The following CMPK2 variants were observed in gnomAD, a reference collection of about 807,000 sequenced individuals.
CMPK2 encodes the protein UMP-CMP kinase 2, mitochondrial.
In CMPK2, 32 loss-of-function variants were observed where a neutral mutation model predicts 33.4. That is an observed-to-expected ratio of 0.96 (90% confidence interval 0.72 to 1.29). CMPK2 has a LOEUF of 1.29. CMPK2 is among the 50% of genes most tolerant of loss of function. The pLI, the probability that CMPK2 is intolerant of heterozygous loss-of-function variation, is 0.00. For missense variants in CMPK2, 672 were observed against 616.0 expected, an observed-to-expected ratio of 1.09 and a Z score of -0.96; for synonymous variants, 299 against 275.3, an observed-to-expected ratio of 1.09 and a Z score of -0.85.
chr2:6,841,954 T>C (rs1662244417), intron 3 of CMPK2, among the ~76,000 whole-genome samples: 1 of 152,186 alleles, frequency 6.6e-6, no homozygotes, highest in South Asian at 2.1e-4. Context: ...ATACTTAGAA[T>C]CCATATATAT....
downstream of CMPK2, among the ~76,000 whole-genome samples, chr2:6,847,073 T>G (rs531111709): frequency 6.6e-6 from 1 of 152,094 alleles, no homozygotes; most frequent in Admixed American, 6.5e-5. Context: ...TCTAATGGGG[T>G]GCCCACTATG....
chr2:6,850,838 AC>A, intron 4 of CMPK2: 2 of 987,824 alleles, frequency 2.0e-6, no homozygotes, highest in Non-Finnish European at 2.4e-6. Context: ...ACTGATTCAT[AC>A]TCAGTCATGA....
Position 6,849,569 on chromosome 2 carries a change from A to G in CMPK2, c.*281T>C. 2.5e-6 allele frequency: 3 copies of G among 1,181,110 alleles called. No homozygotes were observed. Among genetic ancestry groups the G allele is most frequent in the Non-Finnish European group, 3.1e-6 (3 of 952,754 alleles). The allele number at this position is 1,181,110 out of a possible 1,614,324, so 73.2% of individuals were successfully genotyped here. A position where few individuals can be genotyped will look rare whatever the true frequency, so the allele number is the denominator to read the frequency against. ...CAGGTCTTCCAGATATTTGGTAGTG[A>G]TTAAGTGAAACATATGTTCCAAGAA... is the stretch of plus-strand genomic sequence containing the variant. On this transcript the variant is annotated 3_prime_UTR_variant, in exon 5 of 5. Coordinates refer to ENST00000256722, the MANE Select transcript of CMPK2 (RefSeq NM_207315.4).
chr2:6,853,900 TAA>T (rs879924765), intron 3 of CMPK2, among the ~76,000 whole-genome samples: 4 of 141,950 alleles, frequency 2.8e-5, no homozygotes. Context: ...AGACTTCATC[TAA>T]AAAAAAAAAA....
intron 3 of CMPK2, 102 bp from the exon 4 acceptor site, chr2:6,851,785 G>A (rs1202916868): frequency 9.9e-7 from 1 of 1,012,486 alleles, no homozygotes; most frequent in South Asian, 1.6e-5. Flanking sequence ...TGGCTCTACA[G>A]AAGTTTTTCT....
downstream of CMPK2, among the ~76,000 whole-genome samples, chr2:6,845,699 C>T (rs920919616): frequency 6.6e-6 from 1 of 152,220 alleles, no homozygotes; most frequent in Admixed American, 6.5e-5. Flanking sequence ...TTGGGCAAGA[C>T]TCTTTAATGC....
chr2:6,860,538 C>T (rs1662840408), intron 3 of CMPK2, among the ~76,000 whole-genome samples: 1 of 152,194 alleles, frequency 6.6e-6, no homozygotes, highest in South Asian at 2.1e-4. Flanking sequence ...AGTTTCCCTG[C>T]ACATGCTCTC....
Position 6,865,100 on chromosome 2 carries a change from C to T in CMPK2, c.597G>A (p.Pro199=). ...GCAAGTCTGGCACCACCGGGTGCAG[C>T]GGGGGCTCCGGGACGGGCACGACCT... ...CAQVVPVPEP[P]LHPVVPDLPS... The change falls in exon 1 of 5, where the codon CCG becomes CCA. Residue 199 remains proline (P), a synonymous_variant. Transcript: ENST00000256722. 6.7e-7 allele frequency: 1 copy of T among 1,502,360 alleles called. No homozygotes were observed. Among genetic ancestry groups the T allele is most frequent in the Admixed American group, 2.2e-5 (1 of 46,408 alleles). 93.1% of individuals were successfully genotyped at this position (1,502,360 alleles called of 1,614,324 possible).
upstream of CMPK2, chr2:6,866,606 C>T: frequency 4.0e-6 from 1 of 250,548 alleles, no homozygotes; most frequent in Non-Finnish European, 6.3e-6. Flanking sequence ...CCAGCATCAG[C>T]ACTGTTGCTG....
rs544588856 is a variant in CMPK2 at position 6,851,092 on chromosome 2, A to C, written c.1226+358T>G. The C allele has an allele frequency of 2.4e-5, 26 of 1,100,452 alleles. 1 individual carries two copies. In the East Asian group the frequency reaches 1.6e-3, roughly 67 times the overall value. 68.2% of individuals were successfully genotyped at this position (1,100,452 alleles called of 1,614,324 possible). ...AATGCCTGACACACGGGAAGCATCT[A>C]ATAGGTAGATGTTACTATGAGCTCG... On this transcript the variant is annotated intron_variant, in intron 4 of 4. Coordinates refer to ENST00000256722, the MANE Select transcript of CMPK2 (RefSeq NM_207315.4).
Position 6,848,612 on chromosome 2 carries a change from T to G in CMPK2, c.*1238A>C. On this transcript the variant is annotated 3_prime_UTR_variant, in exon 5 of 5. Coordinates refer to ENST00000256722, the MANE Select transcript of CMPK2 (RefSeq NM_207315.4). ...CTTTATTAGAATTTAAGATTCTATATGCAGACCTGATAAAGCCTTAAATTT... is the reference window on the plus strand; with the variant it reads ...CTTTATTAGAATTTAAGATTCTATAGGCAGACCTGATAAAGCCTTAAATTT... 1.0e-6 allele frequency: 1 copy of G among 963,010 alleles called. No individual in the cohort carries two copies. Among genetic ancestry groups the G allele is most frequent in the Non-Finnish European group, 1.2e-6 (1 of 809,286 alleles). The allele number at this position is 963,010 out of a possible 1,614,324, so 59.7% of individuals were successfully genotyped here.
At chr2:6,853,816 G>A (rs2103221016) in intron 3 of CMPK2, among the ~76,000 whole-genome samples, 1 of 152,100 alleles carries the variant, frequency 6.6e-6, no homozygotes, top group South Asian at 2.1e-4. Context: ...GCAGGAGAAT[G>A]GCGTGAACCC....
chr2:6,861,137 T>G, intron 3 of CMPK2, 47 bp downstream of exon 3: 19 of 1,242,282 alleles, frequency 1.5e-5, no homozygotes, highest in Non-Finnish European at 2.0e-5. Flanking sequence ...CCCACACACT[T>G]ATATATTAGG....
In CMPK2 at chr2:6,849,727, C is replaced by G. The variant is rs2103217650; in HGVS notation, c.*123G>C. The G allele has an allele frequency of 3.3e-6, 5 of 1,533,454 alleles. No individual in the cohort carries two copies. The highest frequency in any genetic ancestry group is 4.3e-6 in the Non-Finnish European group (5 of 1,150,742). The allele number at this position is 1,533,454 out of a possible 1,614,324, so 95.0% of individuals were successfully genotyped here. ...GAAGTAAAATTAAGATGCCTGGTCT[C>G]CAGTTTTCTGCCACACAACATGCTT... On this transcript the variant is annotated 3_prime_UTR_variant, in exon 5 of 5. Coordinates refer to ENST00000256722, the MANE Select transcript of CMPK2 (RefSeq NM_207315.4).
At chr2:6,854,309 G>A (rs946496004) in intron 3 of CMPK2, among the ~76,000 whole-genome samples, 1 of 152,134 alleles carries the variant, frequency 6.6e-6, no homozygotes, top group African/African-American at 2.4e-5. Context: ...GATTTTTAAA[G>A]GTAATGGGGT....
chr2:6,845,899 G>GA (rs1419956952), downstream of CMPK2, among the ~76,000 whole-genome samples: 1 of 152,088 alleles, frequency 6.6e-6, no homozygotes, highest in East Asian at 1.9e-4. Context: ...CTTTGATGGG[G>GA]AGAGTATTGA....
intron 3 of CMPK2, among the ~76,000 whole-genome samples, chr2:6,857,245 T>G (rs1195264809): frequency 1.3e-5 from 2 of 152,204 alleles, no homozygotes; most frequent in African/African-American, 2.4e-5. Context: ...CAGTATGACC[T>G]GCTTGTCATA....
chr2:6,865,995 G>T (rs935539956), upstream of CMPK2: 4 of 736,260 alleles, frequency 5.4e-6, no homozygotes, highest in African/African-American at 1.9e-5. Flanking sequence ...GTCCCCAGGC[G>T]CCGGCTCCCG....
In CMPK2 at chr2:6,848,497, T is replaced by A; in HGVS notation, c.*1353A>T. 2 of 973,410 alleles carry A rather than the reference T, an allele frequency of 2.1e-6. No homozygotes were observed. Among genetic ancestry groups the A allele is most frequent in the Non-Finnish European group, 2.4e-6 (2 of 818,918 alleles). 60.3% of individuals were successfully genotyped at this position (973,410 alleles called of 1,614,324 possible). A position where few individuals can be genotyped will look rare whatever the true frequency, so the allele number is the denominator to read the frequency against. On this transcript the variant is annotated 3_prime_UTR_variant, in exon 5 of 5. Coordinates refer to ENST00000256722, the MANE Select transcript of CMPK2 (RefSeq NM_207315.4). ...TGCTATTTATCAGCTTTAAAATACT[T>A]TCAACTGAAATCAATTACATTTTAA... is the stretch of plus-strand genomic sequence containing the variant.
Sources: allele counts gnomAD v4.1 joint callset (sites outside exome capture counted in the v4.1 genomes callset), GRCh38; gene constraint gnomAD v4.1.1; transcripts MANE v1.5; gene names NCBI Gene and HGNC (gene_info 2026-07-23, HGNC 2026-07-21).